Variants in ASCC3 observed in about 807,000 individuals in gnomAD.
The protein encoded by ASCC3 is activating signal cointegrator 1 complex subunit 3, also known as ASC-1 complex subunit P200.
ASCC3 carries 158 observed loss-of-function variants against 256.3 expected under a neutral mutation model. The ratio of observed to expected loss-of-function variants is 0.62; its 90% confidence interval spans 0.54 to 0.70. The LOEUF (loss-of-function observed/expected upper bound fraction) is 0.70. Among genes scored for constraint, ASCC3 ranks in the 30% least tolerant of loss-of-function variants. The pLI is 0.00. For synonymous variants in ASCC3, 948 were observed against 883.4 expected, an observed-to-expected ratio of 1.07 and a Z score of -1.30; for missense variants, 2,259 against 2,626.0, an observed-to-expected ratio of 0.86 and a Z score of 3.05.
At chr6:100,669,262 AAAGT>A (rs1776623112) in intron 14 of ASCC3, among the ~76,000 whole-genome samples, 3 of 149,396 alleles carry the variant, frequency 2.0e-5, no homozygotes, top group South Asian at 2.1e-4. Flanking sequence ...ATTTTAATAT[AAAGT>A]ATTAATCTTT....
intron 4 of ASCC3, among the ~76,000 whole-genome samples, chr6:100,815,272 A>C (rs546825300): frequency 1.3e-5 from 2 of 152,290 alleles, no homozygotes; most frequent in Admixed American, 1.3e-4. Context: ...GAGATAACAC[A>C]AACAAATGGA....
At chr6:100,581,703 T>G (rs964669249) in intron 36 of ASCC3, among the ~76,000 whole-genome samples, 14 of 152,252 alleles carry the variant, frequency 9.2e-5, no homozygotes, top group African/African-American at 3.4e-4. Context: ...CTTCTAGGGT[T>G]TTTATGGTTT....
chr6:100,534,131 C>A (rs1328396174), intron 37 of ASCC3, among the ~76,000 whole-genome samples: 1 of 152,168 alleles, frequency 6.6e-6, no homozygotes, highest in Non-Finnish European at 1.5e-5. Context: ...GTAGTCCCAG[C>A]TACTCAGGAG....
At chr6:100,805,726 T>C (rs1292129012) in intron 5 of ASCC3, 34 bp downstream of exon 5, 1 of 1,603,622 alleles carries the variant, frequency 6.2e-7, no homozygotes, top group Non-Finnish European at 8.5e-7. Flanking sequence ...GAATATTTCC[T>C]TTAAATTACA....
chr6:100,877,924 C>G (rs925312154), intron 1 of ASCC3, among the ~76,000 whole-genome samples: 1 of 152,128 alleles, frequency 6.6e-6, no homozygotes, highest in Non-Finnish European at 1.5e-5. Flanking sequence ...TGACCAAACA[C>G]AGAGCAACTT....
chr6:100,824,040 T>C (rs9485413), intron 4 of ASCC3, among the ~76,000 whole-genome samples: 2,977 of 152,252 alleles, frequency 0.02, 92 homozygotes, highest in African/African-American at 0.069. Context: ...TTAAAAAAGA[T>C]ATAATGAGCC....
chr6:100,748,314 G>C (rs1780780674), intron 10 of ASCC3, among the ~76,000 whole-genome samples: 1 of 151,562 alleles, frequency 6.6e-6, no homozygotes, highest in Non-Finnish European at 1.5e-5. Context: ...TAGTAAGTTA[G>C]GGGGAGAAAT....
At chr6:100,747,297 C>T (rs549499094) in intron 10 of ASCC3, among the ~76,000 whole-genome samples, 12 of 152,210 alleles carry the variant, frequency 7.9e-5, no homozygotes, top group Admixed American at 7.8e-4. Flanking sequence ...ACTTTCAATA[C>T]TTGGCTGGTG....
At chr6:100,811,393 GT>G (rs1486074573) in intron 4 of ASCC3, among the ~76,000 whole-genome samples, 3 of 151,936 alleles carry the variant, frequency 2.0e-5, no homozygotes, top group Admixed American at 6.6e-5. Flanking sequence ...CAATCCCTCA[GT>G]GAAATTCAAG....
chr6:100,864,174 C>A lies in ASCC3; in HGVS notation c.131G>T (p.Gly44Val), dbSNP rs756048039. 1.9e-6 allele frequency: 3 copies of A among 1,607,090 alleles called. No homozygotes were observed. The highest frequency in any genetic ancestry group is 2.2e-5 in the South Asian group (2 of 90,864). The change falls in exon 3 of 42, where the codon GGC becomes GTC. Residue 44 changes from glycine to valine, a missense_variant. This residue lies in a region of ASCC3 where 420 missense variants were observed against 419.3 expected (regional missense o/e 1.00). Coordinates refer to ENST00000369162, the MANE Select transcript of ASCC3 (RefSeq NM_006828.4). ...TTTTATTATCTTCTTCCATGTCAGG[C>A]CCAAATCTAAAACTTGTTCATGAAG... ...SKLHEQVLDL[G>V]LTWKKIIKFL...
chr6:100,848,419 T>C lies in ASCC3; in HGVS notation c.530A>G (p.Asp177Gly). ...LAFSFDMHDL[D>G]HFDELPINGE... The stretch of plus-strand genomic sequence containing the variant: ...ATTTATTGGCAGTTCGTCAAAGTGG[T>C]CCAAATCATGCATGTCAAATGAAAA... The change falls in exon 4 of 42, where the codon GAC (aspartate) becomes GGC (glycine). Residue 177 changes from aspartate to glycine, a missense_variant. Physicochemically the swap from Asp to Gly is moderately conservative, Grantham distance 94. This residue lies in a region of ASCC3 where 420 missense variants were observed against 419.3 expected (regional missense o/e 1.00). Transcript: ENST00000369162. 2 of 1,612,942 alleles carry C rather than the reference T, an allele frequency of 1.2e-6. No individual in the cohort carries two copies. The highest frequency in any genetic ancestry group is 1.7e-6 in the Non-Finnish European group (2 of 1,179,754).
rs1773606202 is a variant in ASCC3, at chr6:100,508,476, A to G, written c.*910T>C. The G allele has an allele frequency of 6.6e-6, 1 of 152,164 alleles. No homozygotes were observed. Among genetic ancestry groups the G allele is most frequent in the African/African-American group, 2.4e-5 (1 of 41,446 alleles). 9.4% of individuals were successfully genotyped at this position (152,164 alleles called of 1,614,324 possible). ...TGGACATAGAGAAATTTTCTTTATT[A>G]CAGGTGAAAACCTATCCATAGGGGT... On this transcript the variant is annotated 3_prime_UTR_variant, in exon 42 of 42. Transcript: ENST00000369162.
chr6:100,743,289 C>T (rs540214256), intron 10 of ASCC3, among the ~76,000 whole-genome samples: 6 of 152,312 alleles, frequency 3.9e-5, no homozygotes, highest in African/African-American at 1.4e-4. Flanking sequence ...AATGTGAGAA[C>T]CTGGATATTT....
chr6:100,709,595 A>C (rs114923673), intron 13 of ASCC3, among the ~76,000 whole-genome samples: 2,181 of 152,240 alleles, frequency 0.014, 42 homozygotes, highest in African/African-American at 0.05. Flanking sequence ...GAAAATTAGA[A>C]CCTGAATAAA....
At chr6:100,514,376 G>A (rs545571960) in intron 39 of ASCC3, among the ~76,000 whole-genome samples, 1 of 152,194 alleles carries the variant, frequency 6.6e-6, no homozygotes, top group South Asian at 2.1e-4. Flanking sequence ...TAAAGCATTT[G>A]ACTTTGTCAG....
At chr6:100,817,501 A>G (rs923451923) in intron 4 of ASCC3, among the ~76,000 whole-genome samples, 2 of 152,068 alleles carry the variant, frequency 1.3e-5, no homozygotes, top group African/African-American at 2.4e-5. Context: ...TTCTTTGAAA[A>G]GATTAACAAA....
At chr6:100,539,878 G>A (rs1775358335) in intron 37 of ASCC3, among the ~76,000 whole-genome samples, 1 of 152,082 alleles carries the variant, frequency 6.6e-6, no homozygotes, top group South Asian at 2.1e-4. Flanking sequence ...GTTAACAGAA[G>A]GGACTCTTCT....
intron 30 of ASCC3, among the ~76,000 whole-genome samples, chr6:100,610,807 T>G (rs953019858): frequency 6.6e-6 from 1 of 152,168 alleles, no homozygotes; most frequent in African/African-American, 2.4e-5. Context: ...GCTTGTCTTG[T>G]CTCATAAACT....
chr6:100,621,368 C>G lies in ASCC3; in HGVS notation c.4785+3824G>C, dbSNP rs139845278. 5.1e-3 allele frequency among the ~76,000 whole-genome samples: 779 copies of G among 152,116 alleles called. 3 individuals carry two copies. Among genetic ancestry groups the G allele is most frequent in the Non-Finnish European group, 8.6e-3 (585 of 67,984 alleles). On this transcript the variant is annotated intron_variant, in intron 30 of 41. Transcript: ENST00000369162. ...AACTAACAGATTTAACTTTCAGAGT[C>G]TACAAGGAACTTAAACAAATTTACA...
Sources: allele counts gnomAD v4.1 joint callset (sites outside exome capture counted in the v4.1 genomes callset), GRCh38; gene constraint gnomAD v4.1.1; regional missense constraint gnomAD v4.1.1; transcripts MANE v1.5; gene names NCBI Gene and HGNC (gene_info 2026-07-23, HGNC 2026-07-21).